SOS1: variants seen among roughly 807,000 people sequenced by gnomAD.
SOS1 encodes son of sevenless homolog 1.
SOS1 carries 25 observed loss-of-function variants against 157.6 expected under a neutral mutation model. The observed-to-expected ratio is 0.16, with a 90% CI of 0.12 to 0.22. SOS1 has a LOEUF of 0.22. Among genes scored for constraint, SOS1 ranks in the 10% least tolerant of loss-of-function variants. SOS1 has a pLI of 1.00. For missense variants in SOS1, 1,237 were observed against 1,599.1 expected, an observed-to-expected ratio of 0.77 and a Z score of 3.86; for synonymous variants, 528 against 534.0, an observed-to-expected ratio of 0.99 and a Z score of 0.16.
chr2:38,998,973 A>C (rs1668995671), intron 17 of SOS1, among the ~76,000 whole-genome samples: 1 of 152,196 alleles, frequency 6.6e-6, no homozygotes, highest in South Asian at 2.1e-4. Context: ...GTTGGCTACT[A>C]CAGTATAATT....
intron 1 of SOS1, among the ~76,000 whole-genome samples, chr2:39,069,195 A>C (rs1317843933): frequency 6.3e-5 from 1 of 15,860 alleles, no homozygotes; most frequent in Non-Finnish European, 1.2e-4. Context: ...AAAAGCAAAA[A>C]AAAAAAAAAA....
intron 2 of SOS1, among the ~76,000 whole-genome samples, chr2:39,066,805 G>C (rs1391866850): frequency 6.6e-6 from 1 of 152,142 alleles, no homozygotes; most frequent in Non-Finnish European, 1.5e-5. Flanking sequence ...AACAACTGAA[G>C]ATCAAAACAT....
chr2:39,003,069 A>AACAAAAACAAAC (rs1553352656), intron 17 of SOS1, among the ~76,000 whole-genome samples: 10 of 79,110 alleles, frequency 1.3e-4, no homozygotes, highest in Non-Finnish European at 2.9e-4. Flanking sequence ...CTTGTATCAA[A>AACAAAAACAAAC]AAAAAAAAAG....
chr2:39,095,959 C>T (rs1257351139), intron 1 of SOS1, among the ~76,000 whole-genome samples: 5 of 152,096 alleles, frequency 3.3e-5, no homozygotes, highest in African/African-American at 4.8e-5. Flanking sequence ...ACAGTTGATA[C>T]CTGAGAAGCT....
chr2:39,103,236 G>A (rs7564481), intron 1 of SOS1, among the ~76,000 whole-genome samples: 12,330 of 152,068 alleles, frequency 0.081, 1,784 homozygotes, highest in African/African-American at 0.28. Flanking sequence ...ATACTACCTA[G>A]AGCAATGTAC....
chr2:39,079,487 ATTTTT>A (rs1201929648), intron 1 of SOS1, among the ~76,000 whole-genome samples: 4 of 82,712 alleles, frequency 4.8e-5, no homozygotes, highest in Non-Finnish European at 8.9e-5. Flanking sequence ...AAGTGTTCGA[ATTTTT>A]TTTTTTTTTT....
chr2:39,019,311 T>C (rs1669721940), intron 10 of SOS1, among the ~76,000 whole-genome samples: 1 of 151,794 alleles, frequency 6.6e-6, no homozygotes, highest in Non-Finnish European at 1.5e-5. Flanking sequence ...CTACCATTTA[T>C]CTACTCGTGT....
intron 1 of SOS1, among the ~76,000 whole-genome samples, chr2:39,110,340 T>C (rs941008538): frequency 2.6e-5 from 4 of 152,134 alleles, no homozygotes; most frequent in African/African-American, 9.7e-5. Context: ...ATAGATGCAA[T>C]TTCCCCCCAT....
chr2:38,992,128 A>T (rs962272963), intron 20 of SOS1, among the ~76,000 whole-genome samples: 3 of 152,140 alleles, frequency 2.0e-5, no homozygotes, highest in African/African-American at 7.2e-5. Flanking sequence ...TCTGGTGGCA[A>T]AACAGTGGGT....
At chr2:39,064,562 A>T (rs1364564912) in intron 2 of SOS1, among the ~76,000 whole-genome samples, 1 of 152,078 alleles carries the variant, frequency 6.6e-6, no homozygotes, top group Non-Finnish European at 1.5e-5. Flanking sequence ...CATGCTGTAC[A>T]ATAGGGTCTC....
intron 1 of SOS1, among the ~76,000 whole-genome samples, chr2:39,091,914 A>G (rs1672611969): frequency 6.6e-6 from 1 of 152,198 alleles, no homozygotes; most frequent in Non-Finnish European, 1.5e-5. Context: ...ACATAGCCCA[A>G]TTATGATCAT....
intron 3 of SOS1, 117 bp from the exon 4 acceptor site, chr2:39,056,983 C>G: frequency 5.4e-6 from 4 of 735,876 alleles, no homozygotes; most frequent in South Asian, 3.1e-5. Flanking sequence ...GAGGCCTGTG[C>G]TTACCAACAA....
intron 20 of SOS1, chr2:38,992,922 C>T (rs888658538): frequency 2.0e-5 from 3 of 151,982 alleles, no homozygotes; most frequent in Non-Finnish European, 4.4e-5. Context: ...TCAAAAATAT[C>T]TGACAGCTTA....
rs536852746 is a variant in SOS1 at position 39,007,490 on chromosome 2, G to GGAGGTCTTTGT, written c.2511-308_2511-298dup. 5.3e-4 allele frequency: 171 copies of GGAGGTCTTTGT among 323,756 alleles called. 1 individual carries two copies. The highest frequency in any genetic ancestry group is 3.5e-3 in the African/African-American group (164 of 47,268). The allele number at this position is 323,756 out of a possible 1,614,324, so 20.1% of individuals were successfully genotyped here. A position where few individuals can be genotyped will look rare whatever the true frequency, so the allele number is the denominator to read the frequency against. Reference sequence around the variant, plus strand: ...GAGGCCACTATCTTGTGGAATGTATGGAGGTCTTTGTGAGGTCTTTGTGAT... The same window carrying GGAGGTCTTTGT: ...GAGGCCACTATCTTGTGGAATGTATGGAGGTCTTTGTGAGGTCTTTGTGAGGTCTTTGTGAT... On this transcript the variant is annotated intron_variant, in intron 15 of 22. Coordinates refer to ENST00000402219, the MANE Select transcript of SOS1 (RefSeq NM_005633.4).
At chr2:39,040,698 T>G (rs1670539176) in intron 6 of SOS1, among the ~76,000 whole-genome samples, 1 of 152,250 alleles carries the variant, frequency 6.6e-6, no homozygotes, top group African/African-American at 2.4e-5. Flanking sequence ...CTGTATATTC[T>G]ACTGTAATGT....
At chr2:39,084,139 C>G (rs965005146) in intron 1 of SOS1, among the ~76,000 whole-genome samples, 19 of 152,106 alleles carry the variant, frequency 1.2e-4, no homozygotes, top group African/African-American at 4.3e-4. Context: ...GGGCTTCTAG[C>G]CTCCAAAACT....
intron 18 of SOS1, 25 bp from the exon 19 acceptor site, chr2:38,997,063 TA>T: frequency 8.1e-7 from 1 of 1,230,316 alleles, no homozygotes; most frequent in Non-Finnish European, 1.2e-6. Context: ...AAGAAAAAAT[TA>T]TTAATATTCA....
At chr2:39,008,298 GTAGCATCC>G (rs1669344628) in intron 15 of SOS1, among the ~76,000 whole-genome samples, 5 of 152,274 alleles carry the variant, frequency 3.3e-5, no homozygotes, top group Admixed American at 3.3e-4. Flanking sequence ...TCAGGCTGCA[GTAGCATCC>G]GTCTGCCACT....
At chr2:39,070,097 A>T (rs1312529567) in intron 1 of SOS1, among the ~76,000 whole-genome samples, 1 of 152,174 alleles carries the variant, frequency 6.6e-6, no homozygotes, top group Non-Finnish European at 1.5e-5. Flanking sequence ...CCACACTCTG[A>T]CTAACGTGTG....
Sources: allele counts gnomAD v4.1 joint callset (sites outside exome capture counted in the v4.1 genomes callset), GRCh38; gene constraint gnomAD v4.1.1; transcripts MANE v1.5; gene names NCBI Gene and HGNC (gene_info 2026-07-23, HGNC 2026-07-21).